The following STX8 variants were observed in gnomAD, a reference collection of about 807,000 sequenced individuals.
The protein encoded by STX8 is syntaxin 8, also known as syntaxin-8.
Under a neutral mutation model 37.5 loss-of-function variants are expected in STX8, and 23 were observed. The ratio of observed to expected loss-of-function variants is 0.61; its 90% CI spans 0.44 to 0.87. The LOEUF (loss-of-function observed/expected upper bound fraction) is 0.87. Ranked by LOEUF, STX8 falls within the 40% of genes least tolerant of loss-of-function variation. The pLI is 0.00. For synonymous variants in STX8, 115 were observed against 99.1 expected, an observed-to-expected ratio of 1.16 and a Z score of -0.95; for missense variants, 313 against 284.7, an observed-to-expected ratio of 1.10 and a Z score of -0.71.
At chr17:9,336,622 G>C (rs1567789057) in intron 7 of STX8, among the ~76,000 whole-genome samples, 1 of 152,154 alleles carries the variant, frequency 6.6e-6, no homozygotes, top group Non-Finnish European at 1.5e-5. Flanking sequence ...TTTTAGTAGA[G>C]ATGGAGTTTC....
chr17:9,419,188 A>C (rs181972969), intron 6 of STX8, among the ~76,000 whole-genome samples: 10 of 151,966 alleles, frequency 6.6e-5, no homozygotes, highest in South Asian at 2.1e-4. Context: ...CAGCCTCCCA[A>C]AGTCCTGGGA....
intron 7 of STX8, among the ~76,000 whole-genome samples, chr17:9,252,952 C>G (rs1029390138): frequency 6.6e-6 from 1 of 152,238 alleles, no homozygotes; most frequent in African/African-American, 2.4e-5. Flanking sequence ...GTGGTCTGCA[C>G]AGCCTAAACC....
intron 6 of STX8, among the ~76,000 whole-genome samples, chr17:9,427,047 A>G (rs1913659060): frequency 6.6e-6 from 1 of 152,156 alleles, no homozygotes; most frequent in South Asian, 2.1e-4. Context: ...CCCAAAGTTC[A>G]CATTTCCTAT....
At chr17:9,540,580 T>C (rs1358137511) in intron 4 of STX8, 1 of 152,260 alleles carries the variant, frequency 6.6e-6, no homozygotes, top group Non-Finnish European at 1.5e-5. Context: ...TCTTTCTTCA[T>C]GGTGCTCAAT....
At chr17:9,317,524 G>A (rs1214417751) in intron 7 of STX8, among the ~76,000 whole-genome samples, 1 of 152,176 alleles carries the variant, frequency 6.6e-6, no homozygotes, top group East Asian at 1.9e-4. Context: ...CCAGCACTTT[G>A]GGAGGCTGAG....
At chr17:9,542,185 C>T (rs1400559287) in intron 4 of STX8, among the ~76,000 whole-genome samples, 2 of 151,392 alleles carry the variant, frequency 1.3e-5, no homozygotes, top group Non-Finnish European at 1.5e-5. Context: ...ATGGTAAAAC[C>T]TCATCTCTAC....
At chr17:9,514,840 T>C (rs1905119910) in intron 4 of STX8, among the ~76,000 whole-genome samples, 2 of 152,130 alleles carry the variant, frequency 1.3e-5, no homozygotes, top group Non-Finnish European at 2.9e-5. Context: ...ATAAGGTGCA[T>C]ATCCACTAGA....
At chr17:9,484,426 G>A (rs1240106032) in intron 6 of STX8, among the ~76,000 whole-genome samples, 3 of 151,342 alleles carry the variant, frequency 2.0e-5, no homozygotes, top group African/African-American at 7.3e-5. Context: ...AAAGCAAGAT[G>A]TATGCTGAGG....
chr17:9,267,834 C>A (rs1597573745), intron 7 of STX8, among the ~76,000 whole-genome samples: 2 of 151,872 alleles, frequency 1.3e-5, no homozygotes. Flanking sequence ...ACTAAAAATA[C>A]GAAAGAATTA....
chr17:9,536,002 G>A (rs960707010), intron 4 of STX8, among the ~76,000 whole-genome samples: 11 of 152,304 alleles, frequency 7.2e-5, no homozygotes, highest in Non-Finnish European at 1.3e-4. Flanking sequence ...ATGTTACCAT[G>A]TGTGTAAAAG....
At chr17:9,414,497 C>T (rs568280616) in intron 6 of STX8, among the ~76,000 whole-genome samples, 102 of 152,270 alleles carry the variant, frequency 6.7e-4, no homozygotes, top group African/African-American at 2.4e-3. Flanking sequence ...TACCTCATTG[C>T]AAACTGGTAA....
intron 7 of STX8, among the ~76,000 whole-genome samples, chr17:9,298,274 T>G (rs796828413): frequency 6.6e-6 from 1 of 152,146 alleles, no homozygotes. Flanking sequence ...TGTGAGCACA[T>G]GTGGAGCGTG....
chr17:9,520,938 G>T (rs911656107), intron 4 of STX8, among the ~76,000 whole-genome samples: 7 of 152,202 alleles, frequency 4.6e-5, no homozygotes, highest in Non-Finnish European at 8.8e-5. Flanking sequence ...TTGCAGTTAG[G>T]ATGAGGGAAG....
chr17:9,362,085 C>T (rs1365918970), intron 7 of STX8, among the ~76,000 whole-genome samples: 1 of 152,096 alleles, frequency 6.6e-6, no homozygotes, highest in Non-Finnish European at 1.5e-5. Flanking sequence ...AATCCCAGCA[C>T]CTTGGGAGGC....
At chr17:9,490,904 G>A (rs1403293651) in intron 6 of STX8, among the ~76,000 whole-genome samples, 1 of 152,184 alleles carries the variant, frequency 6.6e-6, no homozygotes, top group African/African-American at 2.4e-5. Context: ...TCTCACACGA[G>A]GAGGGTGCCG....
At chr17:9,424,331 T>C (rs965753455) in intron 6 of STX8, among the ~76,000 whole-genome samples, 43 of 151,876 alleles carry the variant, frequency 2.8e-4, no homozygotes, top group African/African-American at 1.7e-4. Flanking sequence ...CCCTGCAAGA[T>C]TGGGGCCCTG....
At chr17:9,527,004 C>A (rs941569586) in intron 4 of STX8, among the ~76,000 whole-genome samples, 4 of 149,364 alleles carry the variant, frequency 2.7e-5, no homozygotes, top group South Asian at 2.1e-4. Flanking sequence ...AAGGTGAAAC[C>A]CCGTCTCTAC....
intron 6 of STX8, among the ~76,000 whole-genome samples, chr17:9,422,166 G>A (rs111943309): frequency 0.014 from 2,057 of 150,826 alleles, 33 homozygotes; most frequent in Non-Finnish European, 0.019. Flanking sequence ...GTGCAATGGC[G>A]CGATCTTGGC....
chr17:9,427,135 A>G (rs987667579), intron 6 of STX8, among the ~76,000 whole-genome samples: 2 of 152,182 alleles, frequency 1.3e-5, no homozygotes, highest in African/African-American at 4.8e-5. Flanking sequence ...ATGAATTCCA[A>G]AAGTGTATTC....
Sources: allele counts gnomAD v4.1 joint callset (sites outside exome capture counted in the v4.1 genomes callset), GRCh38; gene constraint gnomAD v4.1.1; transcripts MANE v1.5; gene names NCBI Gene and HGNC (gene_info 2026-07-23, HGNC 2026-07-21).